CD1B: variants seen among roughly 807,000 people sequenced by gnomAD.
CD1B encodes the protein CD1b molecule.
CD1B carries 43 observed loss-of-function variants against 39.8 expected under a neutral mutation model. That is an observed-to-expected ratio of 1.08 (90% CI 0.85 to 1.39). The LOEUF (loss-of-function observed/expected upper bound fraction) is 1.39. CD1B is among the 40% of genes most tolerant of loss of function. CD1B has a pLI of 0.00. For synonymous variants in CD1B, 192 were observed against 152.5 expected (o/e 1.26, Z -1.91); for missense variants, 495 against 403.8 (o/e 1.23, Z -1.94).
rs757387387 is a variant in CD1B, at chr1:158,331,343, G to T, written c.61+20C>A. 8.1e-6 allele frequency: 13 copies of T among 1,609,062 alleles called. No homozygotes were observed. Among genetic ancestry groups the T allele is most frequent in the Middle Eastern group, 1.6e-4 (1 of 6,072 alleles). ...CCAAACCCCTGCACCAGTGCTGGGA[G>T]CTGCCAGAGTGACTCTTACCATGTT... On this transcript the variant is annotated intron_variant, in intron 1 of 5. Coordinates refer to ENST00000368168, the MANE Select transcript of CD1B (RefSeq NM_001764.3).
chr1:158,305,434 A>G, the CD1B span, among the ~76,000 whole-genome samples: 2 of 152,256 alleles, frequency 1.3e-5, no homozygotes, highest in African/African-American at 4.8e-5. Flanking sequence ...GACTATGTGA[A>G]AAGACCAAAT....
At chr1:158,315,489 C>G in the CD1B span, among the ~76,000 whole-genome samples, 2 of 151,876 alleles carry the variant, frequency 1.3e-5, no homozygotes, top group Admixed American at 6.6e-5. Context: ...CCTTTGCCCA[C>G]TTTTTGATGG....
the CD1B span, among the ~76,000 whole-genome samples, chr1:158,287,094 T>C: frequency 6.6e-6 from 1 of 152,172 alleles, no homozygotes; most frequent in Non-Finnish European, 1.5e-5. Context: ...TTAGTCTTCT[T>C]GGGCTGTGCT....
the CD1B span, among the ~76,000 whole-genome samples, chr1:158,315,356 G>C: frequency 2.6e-5 from 4 of 151,686 alleles, no homozygotes; most frequent in African/African-American, 9.7e-5. Flanking sequence ...ATTCTAACTG[G>C]TGTGAGATGG....
At position 158,329,668 on chromosome 1, in the gene CD1B, A is replaced by G; in HGVS notation, c.608-20T>C. On this transcript the variant is annotated intron_variant, in intron 3 of 5. Transcript: ENST00000368168. Reference sequence around the variant, plus strand: ...GCTTCACTAAGGCAGGAAGGAGAAAAAAAAGTGTCATGTTATAACTCGAGT... The same window carrying G: ...GCTTCACTAAGGCAGGAAGGAGAAAGAAAAGTGTCATGTTATAACTCGAGT... The G allele has an allele frequency of 1.9e-6, 3 of 1,610,430 alleles. No individual in the cohort carries two copies. The highest frequency in any genetic ancestry group is 1.3e-5 in the African/African-American group (1 of 74,880).
the CD1B span, among the ~76,000 whole-genome samples, chr1:158,313,546 G>T: frequency 6.6e-6 from 1 of 152,168 alleles, no homozygotes; most frequent in Admixed American, 6.5e-5. Flanking sequence ...CTGGGCTCAA[G>T]TGATCCACCC....
downstream of CD1B, among the ~76,000 whole-genome samples, chr1:158,326,448 G>T (rs1007427418): frequency 6.6e-6 from 1 of 151,986 alleles, no homozygotes; most frequent in Admixed American, 6.5e-5. Flanking sequence ...ATTAAAAACG[G>T]TTTATGAAAC....
intron 3 of CD1B, 79 bp downstream of exon 3, chr1:158,329,773 T>A: frequency 6.4e-7 from 1 of 1,559,350 alleles, no homozygotes; most frequent in Admixed American, 1.9e-5. Flanking sequence ...AACTTGTTAT[T>A]TAAGCTCCTA....
At chr1:158,292,468 G>C in the CD1B span, 1 of 1,484,738 alleles carries the variant, frequency 6.7e-7, no homozygotes. Context: ...AAGAAGCAGG[G>C]GGGTTGCTGG....
chr1:158,293,313 T>C, the CD1B span: 1 of 1,609,890 alleles, frequency 6.2e-7, no homozygotes, highest in Admixed American at 1.7e-5. Flanking sequence ...GTGAGTTTTT[T>C]GTATTTCCTC....
the CD1B span, among the ~76,000 whole-genome samples, chr1:158,305,101 A>G: frequency 6.6e-6 from 1 of 152,192 alleles, no homozygotes; most frequent in Non-Finnish European, 1.5e-5. Flanking sequence ...GACCTTGACG[A>G]GTTGAGAGAA....
chr1:158,318,357 T>C, the CD1B span, among the ~76,000 whole-genome samples: 4 of 152,276 alleles, frequency 2.6e-5, no homozygotes, highest in East Asian at 3.9e-4. Flanking sequence ...CTGTATTGGG[T>C]GCATATATAT....
the CD1B span, among the ~76,000 whole-genome samples, chr1:158,294,250 T>C: frequency 6.6e-6 from 1 of 152,250 alleles, no homozygotes; most frequent in Non-Finnish European, 1.5e-5. Context: ...ACCGTTGTGC[T>C]GTATATGGAA....
chr1:158,326,656 C>T (rs1652363360), downstream of CD1B, among the ~76,000 whole-genome samples: 1 of 151,914 alleles, frequency 6.6e-6, no homozygotes, highest in African/African-American at 2.4e-5. Context: ...TACAGAAAGA[C>T]ATGTTGAAAT....
chr1:158,329,740 ATTCACTCCT>A, intron 3 of CD1B, 92 bp from the exon 4 acceptor site: 1 of 1,563,684 alleles, frequency 6.4e-7, no homozygotes, highest in Non-Finnish European at 8.7e-7. Flanking sequence ...CAGCGACCCC[ATTCACTCCT>A]TTGGGAACCA....
the CD1B span, among the ~76,000 whole-genome samples, chr1:158,314,820 C>T: frequency 7.5e-6 from 1 of 132,684 alleles, no homozygotes; most frequent in Non-Finnish European, 1.6e-5. Context: ...CCCCACCCCA[C>T]AACAGTCCCC....
At chr1:158,320,813 A>G in the CD1B span, among the ~76,000 whole-genome samples, 2 of 152,092 alleles carry the variant, frequency 1.3e-5, no homozygotes, top group African/African-American at 4.8e-5. Context: ...ATGTATTTGT[A>G]GTTTCCAAAG....
the CD1B span, chr1:158,292,702 G>A: frequency 1.9e-6 from 3 of 1,614,178 alleles, no homozygotes; most frequent in Middle Eastern, 3.3e-4. Flanking sequence ...GGGTGACATG[G>A]ATGCGGAATG....
In CD1B at chr1:158,329,955, T is replaced by C; in HGVS notation, c.504A>G (p.Gln168=). ...TCACAGTTTCCATGATACCTTGATA[T>C]TGTATGATTAGTGCACAGAATTTCT... The part of the protein sequence containing the change: ...RAQKFCALII[Q]YQGIMETVRI... Residue 168 remains glutamine, a synonymous_variant, in exon 3 of 6, where the codon CAA becomes CAG. Coordinates refer to ENST00000368168, the MANE Select transcript of CD1B (RefSeq NM_001764.3). 6.2e-7 allele frequency: 1 copy of C among 1,614,016 alleles called. No individual in the cohort carries two copies. Among genetic ancestry groups the C allele is most frequent in the Non-Finnish European group, 8.5e-7 (1 of 1,179,972 alleles).
Sources: allele counts gnomAD v4.1 joint callset (sites outside exome capture counted in the v4.1 genomes callset), GRCh38; gene constraint gnomAD v4.1.1; transcripts MANE v1.5; gene names NCBI Gene and HGNC (gene_info 2026-07-23, HGNC 2026-07-21).